The following ACAN variants were observed in gnomAD, a reference collection of about 807,000 sequenced individuals.
ACAN encodes the protein aggrecan core protein.
Under a neutral mutation model 169.1 loss-of-function variants are expected in ACAN, and 47 were observed. The ratio of observed to expected loss-of-function variants is 0.28; its 90% CI spans 0.22 to 0.35. ACAN has a LOEUF of 0.35. Among genes scored for constraint, ACAN ranks in the 10% least tolerant of loss-of-function variants. The probability of loss-of-function intolerance (pLI) is 1.00; values close to 1 mark genes in which losing one functional copy is unlikely to be tolerated. For synonymous variants in ACAN, 1,115 were observed against 1,112.2 expected (o/e 1.00, Z -0.05); for missense variants, 2,716 against 2,759.9 (o/e 0.98, Z 0.36).
intron 1 of ACAN, among the ~76,000 whole-genome samples, chr15:88,833,608 G>A (rs1896420622): frequency 6.6e-6 from 1 of 151,760 alleles, no homozygotes; most frequent in Admixed American, 6.6e-5. Context: ...CTTTACAGCT[G>A]AGAAAACACA....
In ACAN at chr15:88,851,828, G is replaced by C; in HGVS notation, c.2061G>C (p.Glu687Asp). The C allele has an allele frequency of 1.2e-6, 2 of 1,607,972 alleles. No homozygotes were observed. The highest frequency in any genetic ancestry group is 8.5e-7 in the Non-Finnish European group (1 of 1,177,234). The change falls in exon 11 of 19, where the codon GAG (glutamate) becomes GAC (aspartate). Residue 687 changes from glutamate to aspartate, a missense_variant. Around this residue, in one of 3 missense-constraint regions of ACAN, gnomAD observed 1,283 missense variants for 1,281.5 expected, o/e 1.00. Transcript: ENST00000560601. The surrounding 1 kb of genome is among the most constrained non-coding windows in gnomAD (Gnocchi z 4.3). ...CGGTTCCTTCTCCAGGAGAAGAAGA[G>C]GGTGGCACACCCACATCACCCTCTG... The part of the protein sequence containing the change: ...ISAVPSPGEE[E>D]GGTPTSPSGV...
intron 1 of ACAN, among the ~76,000 whole-genome samples, chr15:88,824,878 C>G (rs115301359): frequency 6.7e-6 from 1 of 148,652 alleles, no homozygotes; most frequent in South Asian, 2.1e-4. Flanking sequence ...GCTGACAGAG[C>G]GAGACTCTGT....
At chr15:88,804,397 A>G (rs1022723236) in intron 1 of ACAN, among the ~76,000 whole-genome samples, 4 of 152,174 alleles carry the variant, frequency 2.6e-5, no homozygotes, top group African/African-American at 9.7e-5. Flanking sequence ...GTGCCTGAAG[A>G]GTCTGCCCAG....
At chr15:88,824,217 A>G (rs28691192) in intron 1 of ACAN, among the ~76,000 whole-genome samples, 6,024 of 151,670 alleles carry the variant, frequency 0.04, 396 homozygotes, top group African/African-American at 0.14. Context: ...CCAGCTACTC[A>G]GGAGGCTGAG....
At chr15:88,809,569 C>G (rs1361843084) in intron 1 of ACAN, among the ~76,000 whole-genome samples, 1 of 152,202 alleles carries the variant, frequency 6.6e-6, no homozygotes, top group Non-Finnish European at 1.5e-5. Context: ...ACTATAAATT[C>G]CTTTCAGTTC....
chr15:88,812,685 T>G (rs537493902), intron 1 of ACAN, among the ~76,000 whole-genome samples: 131 of 152,296 alleles, frequency 8.6e-4, no homozygotes, highest in African/African-American at 3.1e-3. Flanking sequence ...CTTTTCTTTT[T>G]GTGCCCATCT....
chr15:88,870,254 G>A lies in ACAN; in HGVS notation c.7061-1128G>A, dbSNP rs75591744. ...CTTCAGCCTAAGACTCCTTCCCCTC[G>A]GGTACTGGTCCTTCCATTCCAGGAC... On this transcript the variant is annotated intron_variant, in intron 14 of 18. Coordinates refer to ENST00000560601, the MANE Select transcript of ACAN (RefSeq NM_001369268.1). The surrounding 1 kb of genome is among the most constrained non-coding windows in gnomAD (Gnocchi z 6.3). Among the ~76,000 whole-genome samples, 9,154 of 152,102 alleles carry A rather than the reference G, an allele frequency of 0.06. 366 individuals are homozygous for A. Among genetic ancestry groups the A allele is most frequent in the African/African-American group, 0.1 (4,298 of 41,480 alleles).
rs1896872229 is a variant in ACAN at position 88,849,296 on chromosome 15, A to G, written c.1733-142A>G. 6.6e-6 allele frequency: 5 copies of G among 756,362 alleles called. No individual in the cohort carries two copies. In the East Asian group the frequency reaches 8.2e-5, roughly 12 times the overall value. 46.9% of individuals were successfully genotyped at this position (756,362 alleles called of 1,614,324 possible). On this transcript the variant is annotated intron_variant, in intron 9 of 18. Transcript: ENST00000560601. The surrounding 1 kb of genome is among the most constrained non-coding windows in gnomAD (Gnocchi z 5.1). ...CAGGGTCCCAGAAAATCTAAGGGGG[A>G]GTGGTCAAAAAAGGGGTGATGGAGC...
In ACAN at chr15:88,841,782, G is replaced by A; in HGVS notation, c.672G>A (p.Lys224=). 1 of 1,613,690 alleles carries A rather than the reference G, an allele frequency of 6.2e-7. No individual in the cohort carries two copies. Among genetic ancestry groups the A allele is most frequent in the Middle Eastern group, 1.7e-4 (1 of 6,060 alleles). The change falls in exon 5 of 19, where the codon AAG becomes AAA. Residue 224 remains lysine, a synonymous_variant. Transcript: ENST00000560601. The part of the protein sequence containing the change: ...HTPREGCYGD[K]DEFPGVRTYG... ...CCCGGGAAGGCTGCTATGGAGACAA[G>A]GATGAGTTTCCTGGTGTGAGGACGT...
chr15:88,820,948 G>A (rs1896060893), intron 1 of ACAN, among the ~76,000 whole-genome samples: 1 of 152,178 alleles, frequency 6.6e-6, no homozygotes, highest in African/African-American at 2.4e-5. Context: ...TACAATCATG[G>A]TGGAAGGGGA....
intron 1 of ACAN, among the ~76,000 whole-genome samples, chr15:88,831,165 A>G (rs1353667979): frequency 6.6e-6 from 1 of 152,242 alleles, no homozygotes; most frequent in Non-Finnish European, 1.5e-5. Context: ...GATGCATAAA[A>G]TGGACTCTGG....
intron 1 of ACAN, among the ~76,000 whole-genome samples, chr15:88,835,964 G>A (rs1896492224): frequency 2.0e-5 from 3 of 152,176 alleles, no homozygotes; most frequent in Admixed American, 2.0e-4. Flanking sequence ...GCTGAAAGAT[G>A]GGAGGTTAGG....
At chr15:88,825,899 T>C (rs929193412) in intron 1 of ACAN, among the ~76,000 whole-genome samples, 1 of 152,190 alleles carries the variant, frequency 6.6e-6, no homozygotes, top group African/African-American at 2.4e-5. Context: ...ATTGTTTGAC[T>C]AGCATCCGCC....
intron 1 of ACAN, among the ~76,000 whole-genome samples, chr15:88,829,726 G>A (rs191058524): frequency 6.6e-6 from 1 of 152,296 alleles, no homozygotes; most frequent in East Asian, 1.9e-4. Context: ...GGGACACAGA[G>A]CCACCTGGTC....
chr15:88,846,136 C>G (rs1412919855), intron 7 of ACAN, among the ~76,000 whole-genome samples: 2 of 152,206 alleles, frequency 1.3e-5, no homozygotes. Flanking sequence ...ATCAAGCAGG[C>G]ACATGTGCCA....
intron 1 of ACAN, among the ~76,000 whole-genome samples, chr15:88,830,815 A>G (rs1896340826): frequency 6.6e-6 from 1 of 152,204 alleles, no homozygotes; most frequent in Non-Finnish European, 1.5e-5. Context: ...GACACTGTAC[A>G]CTTAGGCTAC....
intron 8 of ACAN, 76 bp downstream of exon 8, chr15:88,847,493 C>G: frequency 7.0e-7 from 1 of 1,431,244 alleles, no homozygotes; most frequent in South Asian, 1.5e-5. Flanking sequence ...TGACACCGCC[C>G]CCAGCACACT....
chr15:88,853,077 C>G (rs560980468), intron 11 of ACAN, among the ~76,000 whole-genome samples: 1 of 152,234 alleles, frequency 6.6e-6, no homozygotes, highest in African/African-American at 2.4e-5. Flanking sequence ...GCAGCCTCAC[C>G]CAGCAGCCAC....
chr15:88,811,542 T>C (rs1490028095), intron 1 of ACAN, among the ~76,000 whole-genome samples: 2 of 152,248 alleles, frequency 1.3e-5, no homozygotes, highest in Non-Finnish European at 2.9e-5. Flanking sequence ...TTTCTTCCTT[T>C]TTCTGTGGAT....
Sources: allele counts gnomAD v4.1 joint callset (sites outside exome capture counted in the v4.1 genomes callset), GRCh38; gene constraint gnomAD v4.1.1; regional missense constraint gnomAD v4.1.1; non-coding constraint Gnocchi (gnomAD v3.1); transcripts MANE v1.5; gene names NCBI Gene and HGNC (gene_info 2026-07-23, HGNC 2026-07-21).